The following DHRSX variants were observed in gnomAD, a reference collection of about 807,000 sequenced individuals.
DHRSX encodes the protein dehydrogenase/reductase X-linked.
In DHRSX, 31 loss-of-function variants were observed where a neutral mutation model predicts 34.0. The observed-to-expected ratio is 0.91, with a 90% CI of 0.69 to 1.23. DHRSX has a LOEUF of 1.23. DHRSX is among the 50% of genes most tolerant of loss of function. The probability of loss-of-function intolerance (pLI) is 0.00; values close to 1 mark genes in which losing one functional copy is unlikely to be tolerated. For synonymous variants in DHRSX, 201 were observed against 183.8 expected (o/e 1.09, Z -0.76); for missense variants, 414 against 428.1 (o/e 0.97, Z 0.29).
chrX:2,232,062 TTCC>T lies in DHRSX; in HGVS notation c.805-10836_805-10834del, dbSNP rs1194450386. 4.0e-3 allele frequency among the ~76,000 whole-genome samples: 605 copies of T among 150,772 alleles called. 2 individuals carry two copies. Among genetic ancestry groups the T allele is most frequent in the African/African-American group, 0.013 (527 of 40,902 alleles). ...CTTTTTCTCTTTCTATCCCTCTGTC[TTCC>T]TCCTTTTATTTTTTCTCCTTTTCCT... On this transcript the variant is annotated intron_variant, in intron 6 of 6. Coordinates refer to ENST00000334651, the MANE Select transcript of DHRSX (RefSeq NM_145177.3).
At chrX:2,349,843 C>A (rs184053329) in intron 3 of DHRSX, among the ~76,000 whole-genome samples, 2 of 148,098 alleles carry the variant, frequency 1.4e-5, no homozygotes, top group Admixed American at 1.4e-4. Flanking sequence ...TCGAGACCAT[C>A]CTGGCTAACA....
At chrX:2,448,440 C>A (rs1396618958) in intron 1 of DHRSX, among the ~76,000 whole-genome samples, 3 of 151,926 alleles carry the variant, frequency 2.0e-5, no homozygotes, top group African/African-American at 7.3e-5. Context: ...TCGCATCTTT[C>A]AAAATGACTA....
rs778134194 is a variant in DHRSX, at chrX:2,323,820, T to C, written c.287-32217A>G. On this transcript the variant is annotated intron_variant, in intron 3 of 6. Coordinates refer to ENST00000334651, the MANE Select transcript of DHRSX (RefSeq NM_145177.3). ...AATGAGAGGAATTTTAGGTGATAGG[T>C]GGTTACTAATTTCAAAAATAGGGGC... Among the ~76,000 whole-genome samples the C allele has an allele frequency of 5.3e-3, 796 of 150,876 alleles. 3 individuals are homozygous for C. Among genetic ancestry groups the C allele is most frequent in the Middle Eastern group, 0.034 (10 of 294 alleles).
intron 3 of DHRSX, among the ~76,000 whole-genome samples, chrX:2,313,746 C>G (rs1303625911): frequency 6.6e-6 from 1 of 152,124 alleles, no homozygotes; most frequent in Non-Finnish European, 1.5e-5. Flanking sequence ...ATATGAGTGA[C>G]CACGGCCCGT....
intron 3 of DHRSX, among the ~76,000 whole-genome samples, chrX:2,353,267 C>A (rs2042809469): frequency 6.6e-6 from 1 of 152,034 alleles, no homozygotes; most frequent in African/African-American, 2.4e-5. Context: ...GCGTCCAACA[C>A]CATCTTCCTG....
intron 1 of DHRSX, among the ~76,000 whole-genome samples, chrX:2,479,369 C>G (rs2044733997): frequency 6.6e-6 from 1 of 150,562 alleles, no homozygotes; most frequent in Admixed American, 6.6e-5. Context: ...CACGTACACA[C>G]TGAAGACATT....
chrX:2,422,496 C>T (rs1214972835), intron 2 of DHRSX, among the ~76,000 whole-genome samples: 11 of 152,018 alleles, frequency 7.2e-5, no homozygotes, highest in African/African-American at 2.7e-4. Context: ...CTCCTGACCT[C>T]GTGATCTGCC....
intron 1 of DHRSX, among the ~76,000 whole-genome samples, chrX:2,466,550 A>T (rs1163418017): frequency 2.0e-5 from 3 of 152,042 alleles, no homozygotes; most frequent in African/African-American, 7.2e-5. Context: ...ACCAAATATC[A>T]CCTGTTCTCA....
At chrX:2,247,656 A>C (rs1481241455) in intron 5 of DHRSX, among the ~76,000 whole-genome samples, 2 of 16,662 alleles carry the variant, frequency 1.2e-4, no homozygotes, top group Non-Finnish European at 5.0e-4. Context: ...TCCGTCTCAC[A>C]AAAAAAAAAA....
chrX:2,243,063 G>C lies in DHRSX; in HGVS notation c.764C>G (p.Thr255Ser). The change falls in exon 6 of 7, where the codon ACC becomes AGC. Residue 255 changes from threonine to serine, a missense_variant. Coordinates refer to ENST00000334651, the MANE Select transcript of DHRSX (RefSeq NM_145177.3). Reference protein sequence around the residue: ...TDVYKHVFWATRLAKKLLGWL... With the variant: ...TDVYKHVFWASRLAKKLLGWL... ...GCCGAGAAGCTTCTTCGCCAGACGG[G>C]TGGCCCAGAACACGTGCTTGTAGAC... is the stretch of plus-strand genomic sequence containing the variant. 4 of 1,613,822 alleles carry C rather than the reference G, an allele frequency of 2.5e-6. No individual in the cohort carries two copies. Among genetic ancestry groups the C allele is most frequent in the Non-Finnish European group, 3.4e-6 (4 of 1,179,764 alleles).
At chrX:2,245,030 A>T (rs772171161) in intron 5 of DHRSX, among the ~76,000 whole-genome samples, 2 of 152,060 alleles carry the variant, frequency 1.3e-5, no homozygotes, top group East Asian at 3.9e-4. Flanking sequence ...AATTAACCAC[A>T]TGGTATATGT....
chrX:2,282,677 A>G (rs867315374), intron 4 of DHRSX, among the ~76,000 whole-genome samples: 3 of 137,390 alleles, frequency 2.2e-5, no homozygotes, highest in African/African-American at 8.3e-5. Flanking sequence ...AGAAAAGGAG[A>G]GAGAGAAGAG....
chrX:2,455,706 A>C (rs1437841574), intron 1 of DHRSX, among the ~76,000 whole-genome samples: 1 of 142,638 alleles, frequency 7.0e-6, no homozygotes, highest in Non-Finnish European at 1.5e-5. Context: ...GTGCTACTGC[A>C]CTCCAGCCTT....
intron 3 of DHRSX, among the ~76,000 whole-genome samples, chrX:2,382,534 T>TCATCAC (rs1459646908): frequency 0.014 from 1,187 of 84,372 alleles, 36 homozygotes; most frequent in East Asian, 0.14. Flanking sequence ...ATCACTACCA[T>TCATCAC]CATCACCATC....
At chrX:2,262,969 A>G (rs1344419622) in intron 5 of DHRSX, among the ~76,000 whole-genome samples, 1 of 152,166 alleles carries the variant, frequency 6.6e-6, no homozygotes, top group Non-Finnish European at 1.5e-5. Context: ...AACTGTTAGG[A>G]GCTGGCAGGG....
chrX:2,346,572 T>C (rs1238374699), intron 3 of DHRSX, among the ~76,000 whole-genome samples: 1 of 151,996 alleles, frequency 6.6e-6, no homozygotes, highest in Non-Finnish European at 1.5e-5. Context: ...ACAGCAAATC[T>C]AAGTAAACTA....
At chrX:2,491,908 C>T (rs1753391124) in intron 1 of DHRSX, among the ~76,000 whole-genome samples, 1 of 152,150 alleles carries the variant, frequency 6.6e-6, no homozygotes, top group Non-Finnish European at 1.5e-5. Context: ...CACATACAGG[C>T]CCTTCCAGCT....
intron 3 of DHRSX, among the ~76,000 whole-genome samples, chrX:2,364,336 C>G (rs184030233): frequency 6.6e-6 from 1 of 152,076 alleles, no homozygotes; most frequent in East Asian, 1.9e-4. Flanking sequence ...TGGGTGGAGC[C>G]CAGGGATCCT....
At position 2,488,535 on chromosome X, in the gene DHRSX, G is replaced by A. The variant is rs1228933182; in HGVS notation, c.109+12282C>T. On this transcript the variant is annotated intron_variant, in intron 1 of 6. Transcript: ENST00000334651. ...CTTCTAGGTGTCAAAGACAGTGGAT[G>A]GTCTCTGAGGTTCAAAACCAAGCTG... is the stretch of plus-strand genomic sequence containing the variant. 8 of 1,390,350 alleles carry A rather than the reference G, an allele frequency of 5.8e-6. No individual in the cohort carries two copies. The Admixed American group carries it at 1.6e-4, about 28-fold the overall frequency. The allele number at this position is 1,390,350 out of a possible 1,614,324, so 86.1% of individuals were successfully genotyped here. A position where few individuals can be genotyped will look rare whatever the true frequency, so the allele number is the denominator to read the frequency against.
Sources: gnomAD v4.1 joint callset for allele counts (sites outside exome capture counted in the v4.1 genomes callset) on GRCh38, gnomAD v4.1.1 for gene constraint, MANE v1.5 for transcripts, NCBI Gene and HGNC (gene_info 2026-07-23, HGNC 2026-07-21) for gene names.